The following PDE4D variants were observed in gnomAD, a reference collection of about 807,000 sequenced individuals.
PDE4D encodes the protein phosphodiesterase 4D.
In PDE4D, 24 loss-of-function variants were observed where a neutral mutation model predicts 87.4. The ratio of observed to expected loss-of-function variants is 0.27; its 90% CI spans 0.20 to 0.39. PDE4D has a LOEUF of 0.39. Ranked by LOEUF, PDE4D falls within the 10% of genes least tolerant of loss-of-function variation. The pLI, the probability that PDE4D is intolerant of heterozygous loss-of-function variation, is 1.00. For missense variants in PDE4D, 714 were observed against 1,041.0 expected, an observed-to-expected ratio of 0.69 and a Z score of 4.32; for synonymous variants, 384 against 383.2, an observed-to-expected ratio of 1.00 and a Z score of -0.02.
At chr5:59,939,675 G>A (rs1756976094) in intron 3 of PDE4D, among the ~76,000 whole-genome samples, 1 of 152,094 alleles carries the variant, frequency 6.6e-6, no homozygotes, top group Non-Finnish European at 1.5e-5. Context: ...AGTATTTCAG[G>A]TAGAGGATGC....
At chr5:60,228,797 C>G (rs1289243015) in intron 1 of PDE4D, among the ~76,000 whole-genome samples, 1 of 152,024 alleles carries the variant, frequency 6.6e-6, no homozygotes, top group South Asian at 2.1e-4. Flanking sequence ...AGAAACTATA[C>G]AGAGAGCGAG....
intron 1 of PDE4D, among the ~76,000 whole-genome samples, chr5:59,635,372 T>C (rs1580037573): frequency 6.6e-6 from 1 of 152,172 alleles, no homozygotes; most frequent in Admixed American, 6.5e-5. Flanking sequence ...GAGGGACTCC[T>C]CCCTAACTCG....
intron 1 of PDE4D, among the ~76,000 whole-genome samples, chr5:59,450,671 G>C (rs754487015): frequency 1.0e-3 from 153 of 152,114 alleles, no homozygotes; most frequent in Non-Finnish European, 1.4e-3. Context: ...CACAGCAGAT[G>C]ATATTCCTAC....
chr5:60,019,051 A>C (rs951456719), intron 2 of PDE4D, among the ~76,000 whole-genome samples: 2 of 152,174 alleles, frequency 1.3e-5, no homozygotes, highest in Non-Finnish European at 2.9e-5. Context: ...GTGCCACAAG[A>C]CAACTTACTC....
Position 59,137,248 on chromosome 5 carries a change from G to C in PDE4D, c.808+43347C>G, listed in dbSNP as rs543311195. 3.3e-5 allele frequency among the ~76,000 whole-genome samples: 5 copies of C among 152,294 alleles called. No individual in the cohort carries two copies. In the South Asian group the frequency reaches 1.0e-3, roughly 32 times the overall value. The stretch of plus-strand genomic sequence containing the variant: ...TTTGCGTTAGTGATGTGACCTCTTG[G>C]ATTAGGATTTCCAAAACTAGAAATG... On this transcript the variant is annotated intron_variant, in intron 5 of 14. Transcript: ENST00000340635.
chr5:60,104,952 C>A (rs1267467642), intron 2 of PDE4D, among the ~76,000 whole-genome samples: 1 of 152,176 alleles, frequency 6.6e-6, no homozygotes, highest in Admixed American at 6.5e-5. Context: ...AACAGCAGAG[C>A]CCCTCTCCTC....
intron 1 of PDE4D, among the ~76,000 whole-genome samples, chr5:60,515,987 A>G (rs1750786356): frequency 6.6e-6 from 1 of 152,244 alleles, no homozygotes; most frequent in African/African-American, 2.4e-5. Flanking sequence ...TTGAAAAACT[A>G]TGCTCTAAGT....
intron 1 of PDE4D, among the ~76,000 whole-genome samples, chr5:59,516,287 G>C (rs1811138676): frequency 2.0e-5 from 3 of 152,106 alleles, no homozygotes; most frequent in African/African-American, 7.2e-5. Flanking sequence ...CTCCTCCCCA[G>C]GCAGTCACTT....
chr5:59,053,360 CAT>C (rs1403362001), intron 5 of PDE4D, among the ~76,000 whole-genome samples: 2 of 96,802 alleles, frequency 2.1e-5, no homozygotes, highest in Non-Finnish European at 4.0e-5. Flanking sequence ...AATGGGTGTA[CAT>C]ACACACACAC....
intron 6 of PDE4D, among the ~76,000 whole-genome samples, chr5:59,011,059 A>C (rs1752697392): frequency 6.6e-6 from 1 of 152,186 alleles, no homozygotes; most frequent in Non-Finnish European, 1.5e-5. Context: ...GCAAACTCGA[A>C]CAGACCCACA....
chr5:59,858,353 T>C (rs1745766413), intron 1 of PDE4D, among the ~76,000 whole-genome samples: 1 of 151,924 alleles, frequency 6.6e-6, no homozygotes, highest in Admixed American at 6.6e-5. Context: ...GGATGTATCA[T>C]CTGGCCCCAA....
chr5:60,369,600 G>A (rs1002522686), intron 1 of PDE4D, among the ~76,000 whole-genome samples: 4 of 152,232 alleles, frequency 2.6e-5, no homozygotes, highest in South Asian at 2.1e-4. Flanking sequence ...GACAAGCCAC[G>A]AGGAGCATGC....
intron 1 of PDE4D, among the ~76,000 whole-genome samples, chr5:59,337,815 G>T (rs549272178): frequency 6.6e-5 from 10 of 152,248 alleles, no homozygotes; most frequent in Admixed American, 2.6e-4. Context: ...GTGAATTGGG[G>T]TATTCTGAAT....
chr5:60,366,885 AT>A (rs199524273), intron 1 of PDE4D, among the ~76,000 whole-genome samples: 2,832 of 152,296 alleles, frequency 0.019, 76 homozygotes, highest in African/African-American at 0.065. Flanking sequence ...GAATATCTGA[AT>A]TTTTTTATCA....
At chr5:60,224,140 G>T (rs1268569263) in intron 1 of PDE4D, among the ~76,000 whole-genome samples, 3 of 152,074 alleles carry the variant, frequency 2.0e-5, no homozygotes, top group African/African-American at 7.2e-5. Flanking sequence ...AAAAAAAGAG[G>T]CTCCCCTGAG....
At chr5:58,980,241 T>C (rs954423358) in intron 11 of PDE4D, among the ~76,000 whole-genome samples, 19 of 152,180 alleles carry the variant, frequency 1.2e-4, no homozygotes, top group African/African-American at 3.4e-4. Flanking sequence ...GACATACTCA[T>C]ATAATCCTGT....
At position 59,790,111 on chromosome 5, in the gene PDE4D, G is replaced by A. The variant is rs952237646; in HGVS notation, c.455+103057C>T. Among the ~76,000 whole-genome samples the A allele has an allele frequency of 1.2e-4, 18 of 152,286 alleles. No homozygotes were observed. The South Asian group carries it at 3.7e-3, about 32-fold the overall frequency. ...GAGAGCTACTGGAGTACCTCTATCT[G>A]TAGACGAGGAAACAGGAGCTTACAG... On this transcript the variant is annotated intron_variant, in intron 1 of 14. Coordinates refer to ENST00000340635, the MANE Select transcript of PDE4D (RefSeq NM_001104631.2).
chr5:59,988,844 A>G (rs1372841767), intron 2 of PDE4D: 5 of 519,184 alleles, frequency 9.6e-6, no homozygotes, highest in African/African-American at 7.7e-5. Flanking sequence ...TGCTATCTAG[A>G]AAACAGTGAC....
intron 3 of PDE4D, among the ~76,000 whole-genome samples, chr5:59,932,131 TTCAGGTAGG>T (rs1209458584): frequency 2.0e-5 from 3 of 152,216 alleles, no homozygotes; most frequent in Non-Finnish European, 4.4e-5. Context: ...ACCATCCACA[TTCAGGTAGG>T]TCAAGTGTTA....
Sources: allele counts gnomAD v4.1 joint callset (sites outside exome capture counted in the v4.1 genomes callset), GRCh38; gene constraint gnomAD v4.1.1; transcripts MANE v1.5; gene names NCBI Gene and HGNC (gene_info 2026-07-23, HGNC 2026-07-21).